The following GPM6B variants were observed in gnomAD, a reference collection of about 807,000 sequenced individuals.
GPM6B encodes neuronal membrane glycoprotein M6-b.
Under a neutral mutation model 27.2 loss-of-function variants are expected in GPM6B, and 4 were observed. The ratio of observed to expected loss-of-function variants is 0.15; its 90% CI spans 0.07 to 0.34. The LOEUF (loss-of-function observed/expected upper bound fraction) is 0.34, where lower values mean the gene tolerates loss of function less well. Ranked by LOEUF, GPM6B falls within the 10% of genes least tolerant of loss-of-function variation. GPM6B has a pLI of 1.00. For missense variants in GPM6B, 183 were observed against 261.9 expected (o/e 0.70, Z 2.08); for synonymous variants, 124 against 103.1 (o/e 1.20, Z -1.23).
At chrX:13,917,009 C>G (rs149105749) in intron 1 of GPM6B, among the ~76,000 whole-genome samples, 3 of 110,662 alleles carry the variant, frequency 2.7e-5, no homozygotes, top group Admixed American at 1.9e-4. Context: ...CTCAGGAGTT[C>G]GAGATCAGCC....
intron 1 of GPM6B, among the ~76,000 whole-genome samples, chrX:13,824,319 T>G (rs1322985496): frequency 8.9e-6 from 1 of 112,619 alleles, no homozygotes; most frequent in Non-Finnish European, 1.9e-5. Context: ...TGTGATATTC[T>G]ATCAGCAAAT....
chrX:13,802,915 A>T (rs1430714352), intron 2 of GPM6B, among the ~76,000 whole-genome samples: 1 of 111,856 alleles, frequency 8.9e-6, no homozygotes, highest in East Asian at 2.8e-4. Flanking sequence ...CCCACACGGC[A>T]CGACCAGACT....
intron 1 of GPM6B, among the ~76,000 whole-genome samples, chrX:13,849,564 CAGTT>C (rs1436619501): frequency 1.8e-5 from 2 of 112,487 alleles, no homozygotes; most frequent in African/African-American, 3.2e-5. Flanking sequence ...ATTACACTAA[CAGTT>C]AGCATAATGT....
At chrX:13,786,527 C>A (rs1167574280) in intron 2 of GPM6B, among the ~76,000 whole-genome samples, 1 of 110,698 alleles carries the variant, frequency 9.0e-6, no homozygotes, top group Non-Finnish European at 1.9e-5. Context: ...AATGCTTCCC[C>A]CCAGCCCAGT....
chrX:13,889,831 AT>A (rs373583726), intron 1 of GPM6B, among the ~76,000 whole-genome samples: 3,200 of 107,569 alleles, frequency 0.03, 122 homozygotes, highest in African/African-American at 0.1. Flanking sequence ...CAATCACATA[AT>A]TTTTTTTTTA....
intron 2 of GPM6B, among the ~76,000 whole-genome samples, chrX:13,793,644 A>G (rs191878995): frequency 8.9e-6 from 1 of 112,434 alleles, no homozygotes; most frequent in Non-Finnish European, 1.9e-5. Flanking sequence ...CTTGGAAAAC[A>G]TTATAGAGCA....
At chrX:13,929,932 C>T in intron 1 of GPM6B, among the ~76,000 whole-genome samples, 1 of 111,828 alleles carries the variant, frequency 8.9e-6, no homozygotes, top group Middle Eastern at 4.8e-3. Flanking sequence ...ATTTAACAGT[C>T]CTACAAAAAC....
chrX:13,926,424 ACAAAAAAAAAAAACACAC>A (rs1160680204), intron 1 of GPM6B, among the ~76,000 whole-genome samples: 301 of 19,840 alleles, frequency 0.015, 1 homozygote, highest in African/African-American at 0.056. Context: ...AAACAAACAA[ACAAAAAAAAAAAACACAC>A]AAAAAAAGCA....
chrX:13,840,855 T>C (rs2049564712), intron 1 of GPM6B, among the ~76,000 whole-genome samples: 1 of 112,178 alleles, frequency 8.9e-6, no homozygotes, highest in South Asian at 3.7e-4. Flanking sequence ...CATTTACATA[T>C]ATGCACATAT....
Position 13,837,720 on chromosome X carries a change from G to GT in GPM6B, c.-197-51913_-197-51912insA, listed in dbSNP as rs1569247795. On this transcript the variant is annotated intron_variant, in intron 1 of 6. Transcript: ENST00000398361. ...TTCAAAGCAAGTTGGTGGGGGGGGG[G>GT]GGGGGGGGAAGCAGAGGGGAAAGCA... is the stretch of plus-strand genomic sequence containing the variant. Among the ~76,000 whole-genome samples, 6 of 85,903 alleles carry GT rather than the reference G, an allele frequency of 7.0e-5. 2 individuals carry two copies. The highest frequency in any genetic ancestry group is 1.4e-4 in the Non-Finnish European group (6 of 42,876). The allele number at this position is 85,903 out of a possible 115,157, so 74.6% of individuals were successfully genotyped here.
intron 1 of GPM6B, among the ~76,000 whole-genome samples, chrX:13,823,674 C>T (rs1427456548): frequency 9.0e-6 from 1 of 111,237 alleles, no homozygotes; most frequent in East Asian, 2.8e-4. Context: ...CGTGTGCCAC[C>T]ATGCCCAGCT....
chrX:13,889,348 A>C (rs2050167819), intron 1 of GPM6B: 1 of 111,898 alleles, frequency 8.9e-6, no homozygotes. Context: ...ACTAGTAGTA[A>C]AACCACCTAC....
intron 1 of GPM6B, among the ~76,000 whole-genome samples, chrX:13,838,307 G>A (rs1361778363): frequency 9.0e-6 from 1 of 111,720 alleles, no homozygotes; most frequent in Non-Finnish European, 1.9e-5. Flanking sequence ...CGATGTTTTT[G>A]AAAGGTCATA....
chrX:13,857,562 A>C (rs57625559), intron 1 of GPM6B, among the ~76,000 whole-genome samples: 33,717 of 111,161 alleles, frequency 0.3, 4,126 homozygotes, highest in East Asian at 0.51. Flanking sequence ...CTGTACTGTT[A>C]AAAAGAAACT....
At chrX:13,794,714 A>G (rs2048778210) in intron 2 of GPM6B, among the ~76,000 whole-genome samples, 1 of 111,744 alleles carries the variant, frequency 8.9e-6, no homozygotes, top group South Asian at 3.7e-4. Flanking sequence ...TTCACTTCCA[A>G]ATGTCCTCGA....
intron 1 of GPM6B, among the ~76,000 whole-genome samples, chrX:13,896,869 T>C: frequency 8.9e-6 from 1 of 112,317 alleles, no homozygotes; most frequent in African/African-American, 3.2e-5. Flanking sequence ...CACTCTGCCA[T>C]ATTGACAATT....
At chrX:13,905,122 T>G (rs2050316688) in intron 1 of GPM6B, among the ~76,000 whole-genome samples, 1 of 105,889 alleles carries the variant, frequency 9.4e-6, no homozygotes, top group South Asian at 4.4e-4. Context: ...TCCCAGCTAC[T>G]CGAGAGACTA....
At chrX:13,787,634 C>G (rs1336529500) in intron 2 of GPM6B, among the ~76,000 whole-genome samples, 4 of 112,432 alleles carry the variant, frequency 3.6e-5, no homozygotes, top group Non-Finnish European at 5.6e-5. Flanking sequence ...GCTTCAGACA[C>G]TTGGGATTTG....
chrX:13,915,999 C>T (rs2050425315), intron 1 of GPM6B, among the ~76,000 whole-genome samples: 1 of 111,941 alleles, frequency 8.9e-6, no homozygotes, highest in Non-Finnish European at 1.9e-5. Context: ...AGTGCATCTG[C>T]CACTTAAATA....
Sources: gnomAD v4.1 joint callset for allele counts (sites outside exome capture counted in the v4.1 genomes callset) on GRCh38, gnomAD v4.1.1 for gene constraint, MANE v1.5 for transcripts, NCBI Gene and HGNC (gene_info 2026-07-23, HGNC 2026-07-21) for gene names.